ATP11B: variants seen among roughly 807,000 people sequenced by gnomAD.
ATP11B encodes phospholipid-transporting ATPase IF.
In ATP11B, 81 loss-of-function variants were observed where a neutral mutation model predicts 157.8. The observed-to-expected ratio is 0.51, with a 90% CI of 0.43 to 0.62. The LOEUF is 0.62. Among genes scored for constraint, ATP11B ranks in the 20% least tolerant of loss-of-function variants. ATP11B has a pLI of 0.00. For missense variants in ATP11B, 1,165 were observed against 1,402.2 expected (o/e 0.83, Z 2.70); for synonymous variants, 451 against 469.4 (o/e 0.96, Z 0.51).
intron 1 of ATP11B, among the ~76,000 whole-genome samples, chr3:182,806,444 C>T (rs958134257): frequency 2.0e-5 from 3 of 152,114 alleles, no homozygotes; most frequent in African/African-American, 7.2e-5. Flanking sequence ...TATTATTTCT[C>T]AGCCTTTAGT....
intron 28 of ATP11B, among the ~76,000 whole-genome samples, chr3:182,905,581 G>A (rs1031057612): frequency 1.3e-5 from 2 of 152,144 alleles, no homozygotes; most frequent in Non-Finnish European, 2.9e-5. Flanking sequence ...TTAGAGCTTC[G>A]TGCACTGAAA....
rs774711848 is a variant in ATP11B, at chr3:182,859,377, A to T, written c.1200+18A>T. 3 of 1,534,276 alleles carry T rather than the reference A, an allele frequency of 2.0e-6. No individual in the cohort carries two copies. Among genetic ancestry groups the T allele is most frequent in the Non-Finnish European group, 2.6e-6 (3 of 1,138,194 alleles). On this transcript the variant is annotated intron_variant, in intron 12 of 29. Coordinates refer to ENST00000323116, the MANE Select transcript of ATP11B (RefSeq NM_014616.3). ...TTGGACAGGTGAAAATGATCCTAAT[A>T]TTTTGTTTCTCTAATTTGTTATTTT...
chr3:182,874,712 C>T (rs1317003007), intron 19 of ATP11B, among the ~76,000 whole-genome samples: 1 of 152,128 alleles, frequency 6.6e-6, no homozygotes, highest in Admixed American at 6.5e-5. Flanking sequence ...TGAACATTTG[C>T]AATGTTAACT....
At chr3:182,794,415 A>T (rs949822457) in intron 1 of ATP11B, among the ~76,000 whole-genome samples, 1 of 152,156 alleles carries the variant, frequency 6.6e-6, no homozygotes, top group Non-Finnish European at 1.5e-5. Flanking sequence ...AACGATACGT[A>T]TTGTACGATA....
intron 7 of ATP11B, among the ~76,000 whole-genome samples, chr3:182,839,604 A>ATTTATTTTATTTTAT (rs56137243): frequency 0.58 from 86,722 of 148,888 alleles, 26,271 homozygotes; most frequent in Non-Finnish European, 0.67. Context: ...TTTTTTAAAT[A>ATTTATTTTATTTTAT]TTTATTTTAT....
chr3:182,828,345 C>T (rs1397567612), intron 3 of ATP11B, 136 bp downstream of exon 3: 1 of 443,256 alleles, frequency 2.3e-6, no homozygotes, highest in South Asian at 4.7e-5. Flanking sequence ...GCATTGTATT[C>T]AGTGAATACA....
At position 182,897,331 on chromosome 3, in the gene ATP11B, G is replaced by T; in HGVS notation, c.3077G>T (p.Trp1026Leu). ...KMALETHFWT[W>L]INHLVTWGSI... ...GCTCTGGAAACTCATTTTTGGACTT[G>T]GATCAACCATCTCGTTACCTGGGGA... Residue 1026 changes from tryptophan to leucine, a missense_variant, in exon 27 of 30, where the codon TGG becomes TTG. Transcript: ENST00000323116. 1 of 1,578,756 alleles carries T rather than the reference G, an allele frequency of 6.3e-7. No individual in the cohort carries two copies. The highest frequency in any genetic ancestry group is 8.6e-7 in the Non-Finnish European group (1 of 1,169,276).
chr3:182,830,985 T>G (rs1476234043), intron 4 of ATP11B, among the ~76,000 whole-genome samples: 1 of 152,106 alleles, frequency 6.6e-6, no homozygotes, highest in East Asian at 1.9e-4. Context: ...TTGGACCTCG[T>G]TTCTATATAT....
rs1724569346 is a variant in ATP11B at position 182,908,863 on chromosome 3, CCT to C, written c.3319-4995_3319-4994del. On this transcript the variant is annotated intron_variant, in intron 28 of 29. Coordinates refer to ENST00000323116, the MANE Select transcript of ATP11B (RefSeq NM_014616.3). Reference sequence around the variant, plus strand: ...AGAAAAACATTTCCTTAAACACAAACCTCTTCTTTTTTCATTTTTGTTTTTAA... The same window carrying C: ...AGAAAAACATTTCCTTAAACACAAACCTTCTTTTTTCATTTTTGTTTTTAA... Among the ~76,000 whole-genome samples the C allele has an allele frequency of 3.3e-5, 5 of 152,144 alleles. No homozygotes were observed. The South Asian group carries it at 1.0e-3, about 31-fold the overall frequency.
chr3:182,890,783 T>A (rs531729073), intron 25 of ATP11B, among the ~76,000 whole-genome samples: 2 of 152,188 alleles, frequency 1.3e-5, no homozygotes, highest in South Asian at 4.1e-4. Flanking sequence ...ATGAGAAAAA[T>A]ATCATTATTA....
intron 1 of ATP11B, among the ~76,000 whole-genome samples, chr3:182,809,804 G>A (rs1013472638): frequency 6.6e-6 from 1 of 152,076 alleles, no homozygotes; most frequent in African/African-American, 2.4e-5. Context: ...ATTCCATATG[G>A]GCAGGGACTA....
intron 22 of ATP11B, 57 bp from the exon 23 acceptor site, chr3:182,885,894 A>G (rs1444060256): frequency 4.0e-6 from 5 of 1,235,468 alleles, no homozygotes; most frequent in Non-Finnish European, 4.4e-6. Context: ...TTTATTTTTT[A>G]TTTTGTCTTT....
chr3:182,814,843 C>A (rs1716878718), intron 1 of ATP11B, among the ~76,000 whole-genome samples: 1 of 152,040 alleles, frequency 6.6e-6, no homozygotes, highest in Non-Finnish European at 1.5e-5. Context: ...GAGATAGATA[C>A]AGAGACAAGC....
chr3:182,885,874 A>G (rs932427319), intron 22 of ATP11B, 77 bp from the exon 23 acceptor site: 22 of 997,316 alleles, frequency 2.2e-5, no homozygotes, highest in Non-Finnish European at 3.0e-5. Context: ...ACACTTTAAC[A>G]GCCATTTTTT....
intron 24 of ATP11B, among the ~76,000 whole-genome samples, chr3:182,888,540 A>G (rs997203922): frequency 1.3e-5 from 2 of 151,986 alleles, no homozygotes; most frequent in South Asian, 2.1e-4. Context: ...TTCTTTTTTG[A>G]GACAGGATCT....
At chr3:182,897,125 T>G (rs533600923) in intron 26 of ATP11B, among the ~76,000 whole-genome samples, 178 bp from the exon 27 acceptor site, 52 of 152,214 alleles carry the variant, frequency 3.4e-4, no homozygotes, top group Middle Eastern at 6.8e-3. Context: ...AAACTTGAAA[T>G]TATTTCATTT....
At chr3:182,898,581 A>G (rs751814460) in intron 27 of ATP11B, 26 bp from the exon 28 acceptor site, 55 of 1,563,678 alleles carry the variant, frequency 3.5e-5, no homozygotes, top group Non-Finnish European at 4.6e-5. Context: ...TTCCACTTTT[A>G]TTAAGCACAT....
intron 12 of ATP11B, among the ~76,000 whole-genome samples, chr3:182,863,411 C>T (rs552481702): frequency 3.4e-4 from 52 of 152,044 alleles, no homozygotes; most frequent in Admixed American, 1.6e-3. Context: ...TTTTTGTTTT[C>T]CTGGAACCTC....
At chr3:182,864,562 C>A (rs1721086781) in intron 12 of ATP11B, among the ~76,000 whole-genome samples, 1 of 152,028 alleles carries the variant, frequency 6.6e-6, no homozygotes, top group South Asian at 2.1e-4. Flanking sequence ...TGATGGATTA[C>A]ATTAATTTTT....
Sources: gnomAD v4.1 joint callset for allele counts (sites outside exome capture counted in the v4.1 genomes callset) on GRCh38, gnomAD v4.1.1 for gene constraint, MANE v1.5 for transcripts, NCBI Gene and HGNC (gene_info 2026-07-23, HGNC 2026-07-21) for gene names.